The following CLDN14 variants were observed in gnomAD, a reference collection of about 807,000 sequenced individuals.
CLDN14 encodes the protein claudin 14, also known as claudin-14.
A neutral mutation model predicts 2.1 loss-of-function variants in CLDN14; 2 were observed. The ratio of observed to expected loss-of-function variants is 0.96; its 90% CI spans 0.39 to 3.01. The LOEUF (loss-of-function observed/expected upper bound fraction) is 3.01. Among genes scored for constraint, CLDN14 ranks in the 30% most tolerant of loss-of-function variants. CLDN14 has a pLI of 0.09. For missense variants in CLDN14, 298 were observed against 328.0 expected, an observed-to-expected ratio of 0.91 and a Z score of 0.71; for synonymous variants, 136 against 154.4, an observed-to-expected ratio of 0.88 and a Z score of 0.88.
At position 36,499,328 on chromosome 21, in the gene CLDN14, C is replaced by T. The variant is rs548104585; in HGVS notation, c.-82+11035G>A. Among the ~76,000 whole-genome samples the T allele has an allele frequency of 6.6e-6, 1 of 152,338 alleles. No individual in the cohort carries two copies. Among genetic ancestry groups the T allele is most frequent in the Admixed American group, 6.5e-5 (1 of 15,296 alleles). ...GCAGTGGTGTGATCTCAGCTCGCTG[C>T]AACCTCTGCCTCCTGGGTTCAAGCG... On this transcript the variant is annotated intron_variant, in intron 2 of 2. Transcript: ENST00000342108. The surrounding 1 kb of genome is among the most constrained non-coding windows in gnomAD (Gnocchi z 4.7).
At chr21:36,525,405 T>G (rs959577597) in intron 1 of CLDN14, among the ~76,000 whole-genome samples, 33 of 145,494 alleles carry the variant, frequency 2.3e-4, no homozygotes, top group Admixed American at 1.6e-3. Context: ...AAAAAAGAAA[T>G]AAAGACTTGA....
chr21:36,545,194 G>A (rs1371493278), intron 1 of CLDN14, among the ~76,000 whole-genome samples: 1 of 152,082 alleles, frequency 6.6e-6, no homozygotes, highest in Non-Finnish European at 1.5e-5. Flanking sequence ...GATTTTGGAG[G>A]GTTAAGAATT....
rs2087064769 is a variant in CLDN14, at chr21:36,498,823, A to G, written c.-82+11540T>C. Among the ~76,000 whole-genome samples the G allele has an allele frequency of 6.6e-6, 1 of 152,124 alleles. No individual in the cohort carries two copies. Among genetic ancestry groups the G allele is most frequent in the Admixed American group, 6.6e-5 (1 of 15,262 alleles). On this transcript the variant is annotated intron_variant, in intron 2 of 2. Coordinates refer to the CLDN14 transcript ENST00000342108. The surrounding 1 kb of genome is among the most constrained non-coding windows in gnomAD (Gnocchi z 4.9). ...CCTGGACACCATCAGCCCTGCACGA[A>G]GGTGGCCGCTGAGGGGCCCTCATGG...
In CLDN14 at chr21:36,542,004, C is replaced by A. The variant is rs139002443; in HGVS notation, c.-219-31504G>T. Among the ~76,000 whole-genome samples, 477 of 152,296 alleles carry A rather than the reference C, an allele frequency of 3.1e-3. 13 individuals carry two copies. Among genetic ancestry groups the A allele is most frequent in the Admixed American group, 0.029 (443 of 15,294 alleles). ...CCAGAGTCTCCCTCTGTCGCCCAGG[C>A]TGGAGTGCAGTGGTGTGATCTCCGC... On this transcript the variant is annotated intron_variant, in intron 1 of 2. Coordinates refer to the CLDN14 transcript ENST00000342108.
At position 36,526,944 on chromosome 21, in the gene CLDN14, C is replaced by G. The variant is rs548364199; in HGVS notation, c.-219-16444G>C. ...GATGTTGAATGGCAAAATCTCAGCT[C>G]TGAGGACCATCAAAGCACTGGGTTC... On this transcript the variant is annotated intron_variant, in intron 1 of 2. Coordinates refer to the CLDN14 transcript ENST00000342108. Among the ~76,000 whole-genome samples the G allele has an allele frequency of 8.2e-4, 125 of 152,236 alleles. 1 individual carries two copies. The highest frequency in any genetic ancestry group is 1.4e-3 in the Non-Finnish European group (97 of 68,042).
chr21:36,555,415 A>G (rs1245546869), intron 1 of CLDN14, among the ~76,000 whole-genome samples: 1 of 152,248 alleles, frequency 6.6e-6, no homozygotes, highest in African/African-American at 2.4e-5. Flanking sequence ...TTATGCTTCA[A>G]AACAGGACTT....
chr21:36,543,793 G>T (rs755998191), intron 1 of CLDN14, among the ~76,000 whole-genome samples: 1 of 152,076 alleles, frequency 6.6e-6, no homozygotes, highest in Non-Finnish European at 1.5e-5. Flanking sequence ...ATTTCCCCTC[G>T]TTTCCAAATG....
At chr21:36,502,129 G>A (rs2087097413) in intron 2 of CLDN14, among the ~76,000 whole-genome samples, 2 of 152,132 alleles carry the variant, frequency 1.3e-5, no homozygotes. Context: ...ATCATGAGGA[G>A]TAGCATGTTT....
At chr21:36,556,016 G>A (rs1427140791) in intron 1 of CLDN14, among the ~76,000 whole-genome samples, 1 of 152,050 alleles carries the variant, frequency 6.6e-6, no homozygotes, top group Non-Finnish European at 1.5e-5. Context: ...TATCACTCCT[G>A]CAAACATCAG....
At chr21:36,522,424 G>C (rs529637825) in intron 1 of CLDN14, among the ~76,000 whole-genome samples, 2 of 152,230 alleles carry the variant, frequency 1.3e-5, no homozygotes, top group African/African-American at 4.8e-5. Flanking sequence ...CCCAGGATGC[G>C]CTGGGGGTTT....
At chr21:36,562,782 G>GCTGGTTCT (rs1232190677) in intron 1 of CLDN14, among the ~76,000 whole-genome samples, 1 of 151,850 alleles carries the variant, frequency 6.6e-6, no homozygotes, top group Non-Finnish European at 1.5e-5. Flanking sequence ...TGGAGACTTG[G>GCTGGTTCT]CTGGTTCTCA....
chr21:36,573,097 C>T (rs535927053), intron 1 of CLDN14, among the ~76,000 whole-genome samples: 3 of 152,102 alleles, frequency 2.0e-5, no homozygotes, highest in South Asian at 2.1e-4. Flanking sequence ...GTCAGGAGAT[C>T]GAGACCATCC....
intron 1 of CLDN14, among the ~76,000 whole-genome samples, chr21:36,525,815 A>T (rs925388892): frequency 8.5e-5 from 13 of 152,116 alleles, no homozygotes; most frequent in Non-Finnish European, 1.9e-4. Flanking sequence ...GAGCCTTGGT[A>T]CCATCAACTA....
At chr21:36,562,577 C>T (rs1442712357) in intron 1 of CLDN14, among the ~76,000 whole-genome samples, 1 of 152,156 alleles carries the variant, frequency 6.6e-6, no homozygotes, top group Non-Finnish European at 1.5e-5. Flanking sequence ...ACCCATGTGT[C>T]ATCTTGTGTT....
In CLDN14 at chr21:36,551,740, A is replaced by C. The variant is rs897606303; in HGVS notation, c.-220+24671T>G. On this transcript the variant is annotated intron_variant, in intron 1 of 2. Coordinates refer to the CLDN14 transcript ENST00000342108. This position sits in a 1 kb window ranked among gnomAD's most constrained non-coding sequence, Gnocchi z 4.8. ...GCTGTAGGATCACAGCAGGGGGACA[A>C]ATTTTCACGTGAAAAGAACAATCAC... Among the ~76,000 whole-genome samples the C allele has an allele frequency of 3.3e-5, 5 of 152,120 alleles. No homozygotes were observed. The highest frequency in any genetic ancestry group is 9.7e-5 in the African/African-American group (4 of 41,414).
At chr21:36,576,049 A>G (rs1418904478) in intron 1 of CLDN14, among the ~76,000 whole-genome samples, 2 of 152,190 alleles carry the variant, frequency 1.3e-5, no homozygotes, top group Non-Finnish European at 2.9e-5. Flanking sequence ...ATTTCCATGT[A>G]CTCAGTAATT....
At chr21:36,522,737 T>C (rs1296527414) in intron 1 of CLDN14, among the ~76,000 whole-genome samples, 1 of 152,204 alleles carries the variant, frequency 6.6e-6, no homozygotes, top group East Asian at 1.9e-4. Context: ...TTCCAAACTT[T>C]GGCTTTTTTG....
At chr21:36,575,198 C>T (rs185104988) in intron 1 of CLDN14, among the ~76,000 whole-genome samples, 1 of 152,232 alleles carries the variant, frequency 6.6e-6, no homozygotes, top group Non-Finnish European at 1.5e-5. Context: ...TGTGCAGGAC[C>T]CCTTGGTTTA....
chr21:36,573,939 C>T (rs150656956), intron 1 of CLDN14, among the ~76,000 whole-genome samples: 51 of 152,140 alleles, frequency 3.4e-4, no homozygotes, highest in African/African-American at 1.2e-3. Context: ...AAGGGATATA[C>T]CATGTTCATT....
Sources: allele counts gnomAD v4.1 joint callset (sites outside exome capture counted in the v4.1 genomes callset), GRCh38; gene constraint gnomAD v4.1.1; non-coding constraint Gnocchi (gnomAD v3.1); transcripts MANE v1.5; gene names NCBI Gene and HGNC (gene_info 2026-07-23, HGNC 2026-07-21).